ADAMTS16: variants seen among roughly 807,000 people sequenced by gnomAD.
ADAMTS16 encodes ADAM metallopeptidase with thrombospondin type 1 motif 16, also known as A disintegrin and metalloproteinase with thrombospondin motifs 16.
ADAMTS16 carries 94 observed loss-of-function variants against 145.8 expected under a neutral mutation model. The ratio of observed to expected loss-of-function variants is 0.64; its 90% CI spans 0.55 to 0.77. The LOEUF (loss-of-function observed/expected upper bound fraction) is 0.77. Among genes scored for constraint, ADAMTS16 ranks in the 30% least tolerant of loss-of-function variants. The pLI, the probability that ADAMTS16 is intolerant of heterozygous loss-of-function variation, is 0.00. For synonymous variants in ADAMTS16, 659 were observed against 604.3 expected (o/e 1.09, Z -1.33); for missense variants, 1,585 against 1,591.5 (o/e 1.00, Z 0.07).
At chr5:5,276,507 C>T (rs533505459) in intron 18 of ADAMTS16, among the ~76,000 whole-genome samples, 18 of 152,270 alleles carry the variant, frequency 1.2e-4, no homozygotes, top group Non-Finnish European at 2.1e-4. Context: ...ATACAAAGAG[C>T]GAAGTGAGCT....
At chr5:5,267,072 C>T (rs899702743) in intron 18 of ADAMTS16, among the ~76,000 whole-genome samples, 5 of 152,178 alleles carry the variant, frequency 3.3e-5, no homozygotes, top group African/African-American at 1.2e-4. Context: ...ACTGGAGGAG[C>T]TCCCTTTTCC....
At position 5,183,366 on chromosome 5, in the gene ADAMTS16, C is replaced by T. The variant is rs533597710; in HGVS notation, c.763+1061C>T. On this transcript the variant is annotated intron_variant, in intron 4 of 22. Coordinates refer to ENST00000274181, the MANE Select transcript of ADAMTS16 (RefSeq NM_139056.4). ...ATCGGCAACAGCTGCCCGAGGCTGC[C>T]GTGACCGGCAGGTCAGGACCCAGAT... 5.3e-5 allele frequency among the ~76,000 whole-genome samples: 8 copies of T among 152,316 alleles called. No homozygotes were observed. In the South Asian group the frequency reaches 6.2e-4, roughly 12 times the overall value.
intron 10 of ADAMTS16, among the ~76,000 whole-genome samples, chr5:5,221,497 T>A (rs1054234727): frequency 6.6e-6 from 1 of 152,164 alleles, no homozygotes; most frequent in Non-Finnish European, 1.5e-5. Context: ...ACTCGAAAGA[T>A]CATGACATTT....
intron 17 of ADAMTS16, among the ~76,000 whole-genome samples, chr5:5,262,016 C>T (rs1738053243): frequency 6.6e-6 from 1 of 152,090 alleles, no homozygotes; most frequent in Admixed American, 6.5e-5. Flanking sequence ...AGTTAAAATC[C>T]CTTTGGGATA....
intron 3 of ADAMTS16, among the ~76,000 whole-genome samples, chr5:5,161,128 A>G (rs1207752330): frequency 1.3e-5 from 2 of 152,240 alleles, no homozygotes; most frequent in Admixed American, 1.3e-4. Flanking sequence ...ATCAAGAGTT[A>G]TCTGTTCTAT....
intron 18 of ADAMTS16, among the ~76,000 whole-genome samples, chr5:5,267,735 G>T (rs1738296258): frequency 6.6e-6 from 1 of 152,184 alleles, no homozygotes; most frequent in Non-Finnish European, 1.5e-5. Flanking sequence ...GGCCAGGGTG[G>T]TCTTGCAAAA....
intron 6 of ADAMTS16, among the ~76,000 whole-genome samples, chr5:5,188,671 C>G (rs2126572584): frequency 6.6e-6 from 1 of 152,142 alleles, no homozygotes; most frequent in East Asian, 1.9e-4. Context: ...TAGATGAAAC[C>G]CGAGATCATT....
intron 18 of ADAMTS16, among the ~76,000 whole-genome samples, chr5:5,297,027 T>A (rs1424990640): frequency 6.6e-6 from 1 of 152,192 alleles, no homozygotes; most frequent in Non-Finnish European, 1.5e-5. Context: ...AGAGCAGGAA[T>A]GATTCTGACT....
At chr5:5,177,536 G>A (rs1184041548) in intron 3 of ADAMTS16, among the ~76,000 whole-genome samples, 5 of 152,112 alleles carry the variant, frequency 3.3e-5, no homozygotes, top group Non-Finnish European at 7.4e-5. Context: ...TAAGATTTTA[G>A]CCAAATTTTT....
chr5:5,283,715 CA>C (rs1739011073), intron 18 of ADAMTS16, among the ~76,000 whole-genome samples: 1 of 152,212 alleles, frequency 6.6e-6, no homozygotes, highest in Admixed American at 6.5e-5. Flanking sequence ...CAGTGAAGAA[CA>C]CTTGAACCCA....
intron 18 of ADAMTS16, among the ~76,000 whole-genome samples, chr5:5,293,699 A>G (rs1054078790): frequency 2.6e-5 from 4 of 152,224 alleles, no homozygotes; most frequent in African/African-American, 7.2e-5. Context: ...AGAGTTTACT[A>G]TATTGCTGAG....
intron 18 of ADAMTS16, among the ~76,000 whole-genome samples, chr5:5,266,894 T>G (rs952059165): frequency 1.3e-5 from 2 of 152,168 alleles, no homozygotes; most frequent in African/African-American, 4.8e-5. Context: ...ATTATTGAAT[T>G]TCAGTAATGG....
chr5:5,219,323 G>A (rs181088585), intron 10 of ADAMTS16, among the ~76,000 whole-genome samples: 9 of 152,144 alleles, frequency 5.9e-5, no homozygotes, highest in Admixed American at 5.9e-4. Context: ...TAAACATTAG[G>A]TGTTATTCCT....
intron 3 of ADAMTS16, among the ~76,000 whole-genome samples, chr5:5,179,342 G>T: frequency 6.6e-6 from 1 of 151,880 alleles, no homozygotes; most frequent in East Asian, 1.9e-4. Flanking sequence ...CATCTTCTGA[G>T]GGGGGGTTTG....
Position 5,319,706 on chromosome 5 carries a change from G to T in ADAMTS16, c.*568G>T. On this transcript the variant is annotated 3_prime_UTR_variant, in exon 23 of 23. Coordinates refer to ENST00000274181, the MANE Select transcript of ADAMTS16 (RefSeq NM_139056.4). ...GCCGAGCATCTCTTACCAGGAACCT[G>T]GAGCCACCGCCGGAGCCAGCGTCAT... The T allele has an allele frequency of 2.8e-6, 1 of 357,938 alleles. No homozygotes were observed. Among genetic ancestry groups the T allele is most frequent in the Non-Finnish European group, 5.4e-6 (1 of 184,292 alleles). 22.2% of individuals were successfully genotyped at this position (357,938 alleles called of 1,614,324 possible). A position where few individuals can be genotyped will look rare whatever the true frequency, so the allele number is the denominator to read the frequency against.
chr5:5,196,504 G>A (rs1735808891), intron 8 of ADAMTS16, among the ~76,000 whole-genome samples: 1 of 152,204 alleles, frequency 6.6e-6, no homozygotes, highest in Non-Finnish European at 1.5e-5. Flanking sequence ...ACTGGGGATT[G>A]TCAGGCTGCT....
At chr5:5,290,214 G>A (rs1739255615) in intron 18 of ADAMTS16, among the ~76,000 whole-genome samples, 1 of 152,186 alleles carries the variant, frequency 6.6e-6, no homozygotes, top group African/African-American at 2.4e-5. Context: ...ACAAGCTTGT[G>A]TTCTTGCAGC....
chr5:5,165,706 T>A (rs904201200), intron 3 of ADAMTS16, among the ~76,000 whole-genome samples: 1 of 152,194 alleles, frequency 6.6e-6, no homozygotes, highest in African/African-American at 2.4e-5. Context: ...GCATAGAATT[T>A]GCCTCAGGCT....
intron 3 of ADAMTS16, among the ~76,000 whole-genome samples, chr5:5,173,485 T>C (rs561274572): frequency 6.6e-6 from 1 of 151,948 alleles, no homozygotes; most frequent in Non-Finnish European, 1.5e-5. Context: ...TTTTTTTTTT[T>C]ATTTTTGAGA....
Sources: allele counts gnomAD v4.1 joint callset (sites outside exome capture counted in the v4.1 genomes callset), GRCh38; gene constraint gnomAD v4.1.1; transcripts MANE v1.5; gene names NCBI Gene and HGNC (gene_info 2026-07-23, HGNC 2026-07-21).